The following SNX29 variants were observed in gnomAD, a reference collection of about 807,000 sequenced individuals.
SNX29 encodes sorting nexin 29, also known as sorting nexin-29.
SNX29 carries 78 observed loss-of-function variants against 102.1 expected under a neutral mutation model. The observed-to-expected ratio is 0.76, with a 90% confidence interval of 0.64 to 0.92. The LOEUF (loss-of-function observed/expected upper bound fraction) is 0.92. SNX29 is among the 40% of genes least tolerant of loss of function. SNX29 has a pLI of 0.00. For synonymous variants in SNX29, 580 were observed against 414.5 expected (o/e 1.40, Z -4.85); for missense variants, 1,280 against 1,061.7 (o/e 1.21, Z -2.86).
At chr16:12,037,741 T>C (rs2057516494) in intron 4 of SNX29, among the ~76,000 whole-genome samples, 1 of 151,868 alleles carries the variant, frequency 6.6e-6, no homozygotes, top group Admixed American at 6.6e-5. Context: ...CATTTGATTC[T>C]AGGAGTTCAA....
intron 20 of SNX29, among the ~76,000 whole-genome samples, chr16:12,545,874 GC>G (rs1411773369): frequency 6.6e-6 from 1 of 152,168 alleles, no homozygotes; most frequent in African/African-American, 2.4e-5. Context: ...GTGAGCCTAA[GC>G]CGTGGGCATT....
intron 20 of SNX29, among the ~76,000 whole-genome samples, chr16:12,553,830 C>T (rs762478606): frequency 2.0e-5 from 3 of 151,784 alleles, no homozygotes; most frequent in Admixed American, 6.6e-5. Flanking sequence ...TTGTGATCCA[C>T]CCACCTAGGT....
intron 7 of SNX29, among the ~76,000 whole-genome samples, chr16:12,050,025 A>G (rs956621577): frequency 6.6e-6 from 1 of 152,216 alleles, no homozygotes; most frequent in African/African-American, 2.4e-5. Context: ...GTAGAGTCCC[A>G]TGGTGTCTTT....
chr16:12,524,591 A>G (rs2090225757), intron 19 of SNX29, 111 bp from the exon 20 acceptor site: 5 of 1,269,934 alleles, frequency 3.9e-6, no homozygotes, highest in South Asian at 3.4e-5. Context: ...TAGTTGCTCA[A>G]TCAGTGTTGG....
chr16:12,564,909 C>T (rs1027706834), intron 20 of SNX29, among the ~76,000 whole-genome samples: 1 of 139,500 alleles, frequency 7.2e-6, no homozygotes, highest in Non-Finnish European at 1.5e-5. Flanking sequence ...GCATCTGCAG[C>T]AGGGACTGGA....
chr16:12,048,426 A>G lies in SNX29; in HGVS notation c.554A>G (p.Gln185Arg). Residue 185 changes from glutamine (Q) to arginine (R), a missense_variant, in exon 7 of 21, where the codon CAG (glutamine) becomes CGG (arginine). Physicochemically the swap from Gln to Arg is conservative, Grantham distance 43. Coordinates refer to ENST00000566228, the MANE Select transcript of SNX29 (RefSeq NM_032167.5). ...ATCGACAACAAGGATTTGAACGGGCAGAGTAAGTTTGCTCCCACCGTTTCA... is the reference window on the plus strand; with the variant it reads ...ATCGACAACAAGGATTTGAACGGGCGGAGTAAGTTTGCTCCCACCGTTTCA... ...INIDNKDLNGQSKFAPTVSDL... is the reference protein window; with the variant it reads ...INIDNKDLNGRSKFAPTVSDL... The G allele has an allele frequency of 1.9e-6, 3 of 1,613,736 alleles. No homozygotes were observed. Among genetic ancestry groups the G allele is most frequent in the Non-Finnish European group, 2.5e-6 (3 of 1,179,822 alleles).
intron 16 of SNX29, 54 bp downstream of exon 16, chr16:12,356,333 A>G (rs1388923660): frequency 6.7e-7 from 1 of 1,495,682 alleles, no homozygotes; most frequent in South Asian, 1.2e-5. Flanking sequence ...CCCACAGCCC[A>G]GTAGAAAAGC....
intron 4 of SNX29, chr16:12,029,706 C>T (rs1353228027): frequency 2.3e-6 from 1 of 435,444 alleles, no homozygotes; most frequent in African/African-American, 2.0e-5. Context: ...ATTCTCCAGC[C>T]TCAGCCACCT....
chr16:12,551,552 G>C (rs8062915), intron 20 of SNX29, among the ~76,000 whole-genome samples: 85,752 of 152,076 alleles, frequency 0.56, 27,139 homozygotes, highest in East Asian at 0.98. Flanking sequence ...TAAGGTGCAT[G>C]CAAAGTTGAG....
At chr16:12,488,441 TC>T (rs35213858) in intron 19 of SNX29, among the ~76,000 whole-genome samples, 1 of 151,590 alleles carries the variant, frequency 6.6e-6, no homozygotes, top group African/African-American at 2.4e-5. Flanking sequence ...CTTCCCGCAG[TC>T]CCCCCCGTCC....
At chr16:12,142,587 G>T (rs777415440) in intron 13 of SNX29, among the ~76,000 whole-genome samples, 1 of 152,082 alleles carries the variant, frequency 6.6e-6, no homozygotes, top group Non-Finnish European at 1.5e-5. Flanking sequence ...TTTTTGAGAC[G>T]GAGTTTTGTT....
chr16:12,113,862 C>G (rs2053588161), intron 11 of SNX29, among the ~76,000 whole-genome samples: 1 of 152,212 alleles, frequency 6.6e-6, no homozygotes, highest in Non-Finnish European at 1.5e-5. Flanking sequence ...GAGCCAGAAA[C>G]TGGTAGGGCT....
chr16:12,360,705 C>G (rs1481723178), intron 16 of SNX29, among the ~76,000 whole-genome samples: 1 of 151,958 alleles, frequency 6.6e-6, no homozygotes, highest in Non-Finnish European at 1.5e-5. Flanking sequence ...GTTTGCTTCC[C>G]TAATTCCTGA....
intron 13 of SNX29, among the ~76,000 whole-genome samples, chr16:12,136,164 G>C (rs2054652211): frequency 1.3e-5 from 2 of 152,216 alleles, no homozygotes; most frequent in Admixed American, 6.5e-5. Context: ...TCAGTGGTAT[G>C]GCCGGGGCCA....
chr16:12,476,391 T>A lies in SNX29; in HGVS notation c.2038-1328T>A, dbSNP rs868774463. ...AAAAAAAAAAAAAAAAAAATATATA[T>A]ATATATATATATATATATATACATA... On this transcript the variant is annotated intron_variant, in intron 18 of 20. Coordinates refer to ENST00000566228, the MANE Select transcript of SNX29 (RefSeq NM_032167.5). 2.7e-3 allele frequency among the ~76,000 whole-genome samples: 38 copies of A among 14,058 alleles called. 1 individual carries two copies. The highest frequency in any genetic ancestry group is 3.3e-3 in the Non-Finnish European group (32 of 9,634). The allele number at this position is 14,058 out of a possible 152,430, so 9.2% of individuals were successfully genotyped here.
intron 20 of SNX29, among the ~76,000 whole-genome samples, chr16:12,542,193 C>T (rs950586410): frequency 1.3e-5 from 2 of 152,162 alleles, no homozygotes; most frequent in African/African-American, 2.4e-5. Flanking sequence ...GCCTTTTCCA[C>T]ACAGGGTGTC....
chr16:12,542,572 TCCACCCGCCTCAG>T (rs1485143346), intron 20 of SNX29, among the ~76,000 whole-genome samples: 1 of 152,174 alleles, frequency 6.6e-6, no homozygotes, highest in Non-Finnish European at 1.5e-5. Flanking sequence ...CCTCAAGTGA[TCCACCCGCCTCAG>T]CCTCCCAAAG....
chr16:12,179,180 C>T (rs555114255), intron 13 of SNX29, among the ~76,000 whole-genome samples: 1 of 152,122 alleles, frequency 6.6e-6, no homozygotes. Flanking sequence ...TTGCCAAGAA[C>T]ATATAAAAAT....
intron 18 of SNX29, among the ~76,000 whole-genome samples, chr16:12,425,000 A>G (rs1741501064): frequency 6.6e-6 from 1 of 152,278 alleles, no homozygotes; most frequent in African/African-American, 2.4e-5. Context: ...TTGGGCTGCA[A>G]GGAGATTAAA....
Sources: allele counts gnomAD v4.1 joint callset (sites outside exome capture counted in the v4.1 genomes callset), GRCh38; gene constraint gnomAD v4.1.1; transcripts MANE v1.5; gene names NCBI Gene and HGNC (gene_info 2026-07-23, HGNC 2026-07-21).